USP7: variants seen among roughly 807,000 people sequenced by gnomAD.
USP7 encodes ubiquitin C-terminal hydrolase 7.
In USP7, 9 loss-of-function variants were observed where a neutral mutation model predicts 162.9. That is an observed-to-expected ratio of 0.06 (90% CI 0.03 to 0.10). The LOEUF is 0.10. USP7 is among the 10% of genes least tolerant of loss of function. USP7 has a pLI of 1.00. For synonymous variants in USP7, 562 were observed against 475.9 expected (o/e 1.18, Z -2.35); for missense variants, 715 against 1,373.7 (o/e 0.52, Z 7.58).
chr16:8,955,441 G>A (rs1899747226), intron 1 of USP7, among the ~76,000 whole-genome samples: 1 of 151,878 alleles, frequency 6.6e-6, no homozygotes, highest in Non-Finnish European at 1.5e-5. Flanking sequence ...GCAATTGCAT[G>A]GCCAGGCGCA....
At chr16:8,918,631 G>A (rs1423629058) in intron 6 of USP7, among the ~76,000 whole-genome samples, 2 of 152,052 alleles carry the variant, frequency 1.3e-5, no homozygotes, top group Admixed American at 6.5e-5. Context: ...ACAACATGGT[G>A]AAACCCCGCC....
rs370095864 is a variant in USP7, at chr16:8,913,394, A to C, written c.1078+1860T>G. ...AAGAGGGAAGACAGGAGAGAAGAGA[A>C]GTGAAGTGAAGCGAAGCGAAGAATA... is the stretch of plus-strand genomic sequence containing the variant. On this transcript the variant is annotated intron_variant, in intron 10 of 30. Coordinates refer to ENST00000344836, the MANE Select transcript of USP7 (RefSeq NM_003470.3). Among the ~76,000 whole-genome samples, 190 of 152,084 alleles carry C rather than the reference A, an allele frequency of 1.2e-3. 4 individuals carry two copies. The South Asian group carries it at 0.038, about 31-fold the overall frequency.
rs745870659 is a variant in USP7, at chr16:8,923,202, A to AGTACAACG, written c.383+12_383+13insCGTTGTAC. The AGTACAACG allele has an allele frequency of 7.6e-6, 1 of 131,646 alleles. No individual in the cohort carries two copies. The highest frequency in any genetic ancestry group is 1.3e-5 in the Non-Finnish European group (1 of 75,132). The allele number at this position is 131,646 out of a possible 1,614,324, so 8.2% of individuals were successfully genotyped here. A position where few individuals can be genotyped will look rare whatever the true frequency, so the allele number is the denominator to read the frequency against. The stretch of plus-strand genomic sequence containing the variant: ...GATCAAATTTGGCTTCCAGTAATGA[A>AGTACAACG]ATACTGTCTTACGTGGAATCAGATT... On this transcript the variant is annotated intron_variant, in intron 3 of 30. Transcript: ENST00000344836.
intron 3 of USP7, among the ~76,000 whole-genome samples, chr16:8,921,601 A>G (rs927363593): frequency 6.6e-6 from 1 of 152,204 alleles, no homozygotes; most frequent in East Asian, 1.9e-4. Context: ...CTGCCGATAT[A>G]GGGGTCACCT....
rs1478213950 is a variant in USP7 at position 8,902,108 on chromosome 16, G to A, written c.2021C>T (p.Ala674Val). The change falls in exon 18 of 31, where the codon GCG (alanine) becomes GTG (valine). Residue 674 changes from alanine (A) to valine (V), a missense_variant. Physicochemically the swap from Ala to Val is moderately conservative, Grantham distance 64. Coordinates refer to ENST00000344836, the MANE Select transcript of USP7 (RefSeq NM_003470.3). ...TVDPELAASG[A>V]TLPKFDKDHD... ...ATCTTTATCAAACTTGGGTAAGGTCGCTCCACTAGCAGCCAGCTCGGGATC... is the reference window on the plus strand; with the variant it reads ...ATCTTTATCAAACTTGGGTAAGGTCACTCCACTAGCAGCCAGCTCGGGATC... The A allele has an allele frequency of 1.5e-5, 24 of 1,614,088 alleles. No individual in the cohort carries two copies. The highest frequency in any genetic ancestry group is 1.8e-5 in the Non-Finnish European group (21 of 1,179,996).
At chr16:8,926,741 T>G (rs1232317518) in intron 2 of USP7, among the ~76,000 whole-genome samples, 1 of 152,230 alleles carries the variant, frequency 6.6e-6, no homozygotes, top group East Asian at 1.9e-4. Flanking sequence ...GACTCCAATC[T>G]GCCTGGATGC....
chr16:8,953,598 CCGGAAGCAGAGGGAAGACACG>C, intron 1 of USP7, among the ~76,000 whole-genome samples: 1 of 76,836 alleles, frequency 1.3e-5, no homozygotes, highest in South Asian at 6.6e-4. Context: ...TGCGGCGCCA[CCGGAAGCAGAGGGAAGACACG>C]TGCCCCGTGC....
Position 8,944,501 on chromosome 16 carries a change from A to G in USP7, c.80-14104T>C, listed in dbSNP as rs188142728. Among the ~76,000 whole-genome samples the G allele has an allele frequency of 3.3e-5, 5 of 152,376 alleles. No homozygotes were observed. In the East Asian group the frequency reaches 9.6e-4, roughly 29 times the overall value. On this transcript the variant is annotated intron_variant, in intron 1 of 30. Coordinates refer to ENST00000344836, the MANE Select transcript of USP7 (RefSeq NM_003470.3). The stretch of plus-strand genomic sequence containing the variant: ...ACTGGGGATGAGGTCAGAGGTAGAA[A>G]GGAGATTTTTATACATACTCTTGGT...
rs1206961848 is a variant in USP7 at position 8,895,069 on chromosome 16, C to T, written c.3001G>A (p.Gly1001Arg). ...AGCAAAAACGGGATTCCGAACGTTC[C>T]GAAGACCTCTTTGTGGAAATGCGCC... ...TVAHFHKEVF[G>R]TFGIPFLLRI... Residue 1001 changes from glycine to arginine, a missense_variant, in exon 28 of 31, where the codon GGA (glycine) becomes AGA (arginine). Coordinates refer to ENST00000344836, the MANE Select transcript of USP7 (RefSeq NM_003470.3). The T allele has an allele frequency of 6.2e-7, 1 of 1,614,194 alleles. No homozygotes were observed.
At chr16:8,953,342 G>T (rs1224157543) in intron 1 of USP7, among the ~76,000 whole-genome samples, 2 of 152,056 alleles carry the variant, frequency 1.3e-5, no homozygotes. Context: ...AGCCAGACCC[G>T]TTCCTGCCAG....
Position 8,917,118 on chromosome 16 carries a change from A to G in USP7, c.759T>C (p.Ser253=). The change falls in exon 7 of 31, where the codon TCT becomes TCC. Residue 253 remains serine, a synonymous_variant. Coordinates refer to ENST00000344836, the MANE Select transcript of USP7 (RefSeq NM_003470.3). ...TTTGTAATGCTAAAGGGACGCTTTTAGACGAATCATCCCCCTCGGTTGGCA... is the reference window on the plus strand; with the variant it reads ...TTTGTAATGCTAAAGGGACGCTTTTGGACGAATCATCCCCCTCGGTTGGCA... The part of the protein sequence containing the change: ...YMMPTEGDDS[S]KSVPLALQRV... 1 of 1,613,646 alleles carries G rather than the reference A, an allele frequency of 6.2e-7. No homozygotes were observed.
chr16:8,939,036 C>G (rs1163344286), intron 1 of USP7, among the ~76,000 whole-genome samples: 1 of 152,120 alleles, frequency 6.6e-6, no homozygotes, highest in African/African-American at 2.4e-5. Context: ...CTTACAGCAC[C>G]ACTTTGCAAA....
At chr16:8,900,945 A>T (rs1391257384) in intron 20 of USP7, 45 bp downstream of exon 20, 1 of 1,592,932 alleles carries the variant, frequency 6.3e-7, no homozygotes, top group East Asian at 2.2e-5. Flanking sequence ...ACCCTCCACA[A>T]ACTACTAAGA....
rs533116495 is a variant in USP7 at position 8,928,843 on chromosome 16, C to A, written c.184+1450G>T. On this transcript the variant is annotated intron_variant, in intron 2 of 30. Coordinates refer to ENST00000344836, the MANE Select transcript of USP7 (RefSeq NM_003470.3). ...ACCTCAAAAGGAAGGGGACTTTACC[C>A]ATATTGTCCCCTCATAAGTCATTCT... Among the ~76,000 whole-genome samples the A allele has an allele frequency of 2.0e-5, 3 of 152,244 alleles. No homozygotes were observed. In the East Asian group the frequency reaches 5.8e-4, roughly 29 times the overall value.
Position 8,958,973 on chromosome 16 carries a change from C to T in USP7, c.79+4234G>A, listed in dbSNP as rs373919497. ...GCCCTTTCTGCATAGCACCCATCTT[C>T]GATGGCCCCACCTGTGGTGTGTGCC... On this transcript the variant is annotated intron_variant, in intron 1 of 30. Coordinates refer to ENST00000344836, the MANE Select transcript of USP7 (RefSeq NM_003470.3). Among the ~76,000 whole-genome samples the T allele has an allele frequency of 4.0e-4, 61 of 152,328 alleles. 1 individual carries two copies. The highest frequency in any genetic ancestry group is 3.9e-3 in the East Asian group (20 of 5,180).
At chr16:8,955,090 T>G (rs1207663154) in intron 1 of USP7, among the ~76,000 whole-genome samples, 1 of 152,292 alleles carries the variant, frequency 6.6e-6, no homozygotes, top group East Asian at 1.9e-4. Flanking sequence ...CCACTTTCTA[T>G]GAATCTGCAG....
intron 22 of USP7, 141 bp downstream of exon 22, chr16:8,899,463 G>T: frequency 9.2e-7 from 1 of 1,090,754 alleles, no homozygotes; most frequent in Non-Finnish European, 1.3e-6. Context: ...CAGAGAGCCT[G>T]AATCCATCAG....
At chr16:8,905,018 T>C (rs946285875) in intron 14 of USP7, among the ~76,000 whole-genome samples, 169 bp downstream of exon 14, 1 of 152,070 alleles carries the variant, frequency 6.6e-6, no homozygotes, top group South Asian at 2.1e-4. Context: ...CTTGGTACCA[T>C]AAGTCTGCAT....
chr16:8,906,786 TA>T (rs1277359588), intron 12 of USP7, among the ~76,000 whole-genome samples: 8 of 152,198 alleles, frequency 5.3e-5, no homozygotes, highest in African/African-American at 1.7e-4. Context: ...ACACTATGAA[TA>T]ATTTAGGGTG....
Sources: allele counts gnomAD v4.1 joint callset (sites outside exome capture counted in the v4.1 genomes callset), GRCh38; gene constraint gnomAD v4.1.1; transcripts MANE v1.5; gene names NCBI Gene and HGNC (gene_info 2026-07-23, HGNC 2026-07-21).